Variants in RTN4 observed in about 807,000 individuals in gnomAD.
RTN4 encodes reticulon-4.
A neutral mutation model predicts 90.4 loss-of-function variants in RTN4; 32 were observed. That is an observed-to-expected ratio of 0.35 (90% CI 0.27 to 0.48). The LOEUF is 0.48. Among genes scored for constraint, RTN4 ranks in the 20% least tolerant of loss-of-function variants. The pLI is 0.99. For synonymous variants in RTN4, 629 were observed against 552.5 expected (o/e 1.14, Z -1.94); for missense variants, 1,706 against 1,430.2 (o/e 1.19, Z -3.11).
chr2:55,132,798 AGTG>A, the RTN4 span, among the ~76,000 whole-genome samples: 1 of 128,876 alleles, frequency 7.8e-6, no homozygotes, highest in Non-Finnish European at 1.6e-5. Context: ...TGGGCCACAG[AGTG>A]AGACCGTCTC....
chr2:55,129,113 A>AC, the RTN4 span, among the ~76,000 whole-genome samples: 1 of 151,210 alleles, frequency 6.6e-6, no homozygotes, highest in Non-Finnish European at 1.5e-5. Context: ...CCGTCTCAAA[A>AC]AAAAAAAAGA....
chr2:54,983,138 C>T (rs1678278106), intron 4 of RTN4, among the ~76,000 whole-genome samples: 1 of 151,060 alleles, frequency 6.6e-6, no homozygotes, highest in South Asian at 2.1e-4. Context: ...TTTTCATTTC[C>T]AAATCCTAAA....
intron 1 of RTN4, among the ~76,000 whole-genome samples, chr2:55,047,463 A>G (rs1331078858): frequency 6.6e-6 from 1 of 152,064 alleles, no homozygotes; most frequent in Non-Finnish European, 1.5e-5. Context: ...GACCTTTAAT[A>G]TGGCAATTAG....
At chr2:54,978,385 C>T (rs950876376) in intron 5 of RTN4, among the ~76,000 whole-genome samples, 20 of 146,360 alleles carry the variant, frequency 1.4e-4, no homozygotes, top group African/African-American at 2.6e-4. Context: ...AGCCTAAGAT[C>T]GCACCACCGC....
intron 1 of RTN4, among the ~76,000 whole-genome samples, chr2:55,107,221 T>C (rs762363670): frequency 2.0e-5 from 3 of 151,306 alleles, no homozygotes; most frequent in Non-Finnish European, 2.9e-5. Context: ...TTTCAGTGAA[T>C]GTCTGGCACA....
At chr2:55,095,611 T>C (rs965181147) in intron 1 of RTN4, among the ~76,000 whole-genome samples, 1 of 152,068 alleles carries the variant, frequency 6.6e-6, no homozygotes, top group Admixed American at 6.6e-5. Context: ...CCTCCCAGGG[T>C]CAAGTGGTCC....
intron 1 of RTN4, among the ~76,000 whole-genome samples, chr2:55,095,928 C>G (rs140752921): frequency 2.6e-5 from 4 of 152,282 alleles, no homozygotes; most frequent in Non-Finnish European, 5.9e-5. Context: ...TGTAGAATGT[C>G]CCTCACTTGG....
chr2:55,131,815 C>T, the RTN4 span, among the ~76,000 whole-genome samples: 8 of 152,056 alleles, frequency 5.3e-5, no homozygotes, highest in Non-Finnish European at 1.0e-4. Context: ...ACCCAGGAGG[C>T]GGAGGTTGCA....
intron 1 of RTN4, among the ~76,000 whole-genome samples, chr2:55,105,020 T>G (rs1667919034): frequency 6.6e-6 from 1 of 151,894 alleles, no homozygotes; most frequent in Non-Finnish European, 1.5e-5. Context: ...TTGCCCGGGC[T>G]GGTCTCAAAC....
intron 1 of RTN4, among the ~76,000 whole-genome samples, chr2:55,090,727 A>G (rs369219335): frequency 6.6e-6 from 1 of 152,126 alleles, no homozygotes; most frequent in East Asian, 1.9e-4. Context: ...TTGCTCATAC[A>G]ATTTCTCCTC....
At position 55,106,739 on chromosome 2, in the gene RTN4, C is replaced by T. The variant is rs552234424; in HGVS notation, c.-214+5781G>A. Among the ~76,000 whole-genome samples the T allele has an allele frequency of 2.5e-3, 384 of 152,200 alleles. 9 individuals carry two copies. The highest frequency in any genetic ancestry group is 8.8e-3 in the African/African-American group (364 of 41,484). The stretch of plus-strand genomic sequence containing the variant: ...TTCACCATGTTGGCTAGGCTGGTCT[C>T]GAACACCTGACCCCAGGTGATCCAC... On this transcript the variant is annotated intron_variant, in intron 1 of 3. Coordinates refer to the RTN4 transcript ENST00000427710.
intron 3 of RTN4, among the ~76,000 whole-genome samples, chr2:55,003,976 G>A (rs1403908561): frequency 6.6e-6 from 1 of 152,116 alleles, no homozygotes; most frequent in African/African-American, 2.4e-5. Flanking sequence ...ACATAAAAAG[G>A]GAACTTAGGG....
At chr2:55,133,677 G>A in the RTN4 span, among the ~76,000 whole-genome samples, 2 of 152,154 alleles carry the variant, frequency 1.3e-5, no homozygotes, top group African/African-American at 4.8e-5. Flanking sequence ...CCCTGAGCTG[G>A]TTAAGTGACA....
the RTN4 span, among the ~76,000 whole-genome samples, chr2:55,133,967 A>G: frequency 6.6e-6 from 1 of 152,160 alleles, no homozygotes; most frequent in Non-Finnish European, 1.5e-5. Context: ...GGCTATTTTG[A>G]TGGTGATTTC....
chr2:55,132,092 A>G, the RTN4 span, among the ~76,000 whole-genome samples: 3 of 152,362 alleles, frequency 2.0e-5, no homozygotes, highest in South Asian at 6.2e-4. Flanking sequence ...CTGGCAACAA[A>G]ACAAAGTAGA....
chr2:54,991,238 G>A (rs1307805531), intron 3 of RTN4, among the ~76,000 whole-genome samples: 2 of 152,126 alleles, frequency 1.3e-5, no homozygotes, highest in African/African-American at 4.8e-5. Flanking sequence ...AAACTACTCA[G>A]TAAAACCTGG....
Position 55,027,959 on chromosome 2 carries a change from T to C in RTN4, c.613+205A>G, listed in dbSNP as rs562582340. 2.6e-5 allele frequency among the ~76,000 whole-genome samples: 4 copies of C among 152,332 alleles called. No individual in the cohort carries two copies. The East Asian group carries it at 7.7e-4, about 29-fold the overall frequency. ...AATTCAAGGGTCCAAGAATTCCTTA[T>C]GTACTTCCAAGTATTCATCAGATTT... On this transcript the variant is annotated intron_variant, in intron 2 of 8. Coordinates refer to ENST00000337526, the MANE Select transcript of RTN4 (RefSeq NM_020532.5).
intron 3 of RTN4, among the ~76,000 whole-genome samples, chr2:54,995,325 A>T (rs1679333822): frequency 6.6e-6 from 1 of 152,152 alleles, no homozygotes; most frequent in Non-Finnish European, 1.5e-5. Flanking sequence ...TACATTTAAG[A>T]AAGATTTTTT....
intron 4 of RTN4, among the ~76,000 whole-genome samples, chr2:54,984,771 T>C (rs1394589198): frequency 6.6e-6 from 1 of 152,224 alleles, no homozygotes; most frequent in Non-Finnish European, 1.5e-5. Context: ...GTATGTTGGC[T>C]GAATTTACTT....
Sources: gnomAD v4.1 joint callset for allele counts (sites outside exome capture counted in the v4.1 genomes callset) on GRCh38, gnomAD v4.1.1 for gene constraint, MANE v1.5 for transcripts, NCBI Gene and HGNC (gene_info 2026-07-23, HGNC 2026-07-21) for gene names.